MGAM: variants seen among roughly 807,000 people sequenced by gnomAD.
MGAM encodes alpha-1,4-glucosidase.
A neutral mutation model predicts 358.8 loss-of-function variants in MGAM; 253 were observed. That is an observed-to-expected ratio of 0.71 (90% CI 0.64 to 0.78). The LOEUF (loss-of-function observed/expected upper bound fraction) is 0.78. Among genes scored for constraint, MGAM ranks in the 30% least tolerant of loss-of-function variants. The pLI is 0.00. For missense variants in MGAM, 3,080 were observed against 3,432.6 expected, an observed-to-expected ratio of 0.90 and a Z score of 2.57; for synonymous variants, 1,105 against 1,227.1, an observed-to-expected ratio of 0.90 and a Z score of 2.08.
Position 142,052,905 on chromosome 7 carries a change from C to G in MGAM, c.3080C>G (p.Ala1027Gly), listed in dbSNP as rs1190814491. Residue 1027 changes from alanine to glycine, a missense_variant, in exon 26 of 71, where the codon GCC becomes GGC. Ala to Gly is a moderately conservative substitution (Grantham distance 60). This residue lies in a region of MGAM where 1,816 missense variants were observed against 1,840.5 expected (regional missense o/e 0.99). Transcript: ENST00000475668. ...ADISLKSSVYANAFPSTPVNP... is the reference protein window; with the variant it reads ...ADISLKSSVYGNAFPSTPVNP... ...ATCTCCTTAAAGTCTTCCGTTTATG[C>G]CAATGCCTTCCCCTCCACACCCGTG... 2 of 1,613,738 alleles carry G rather than the reference C, an allele frequency of 1.2e-6. No individual in the cohort carries two copies. The highest frequency in any genetic ancestry group is 2.7e-5 in the African/African-American group (2 of 74,876).
rs539727651 is a variant in MGAM at position 142,090,372 on chromosome 7, G to A, written c.6811-1541G>A. On this transcript the variant is annotated intron_variant, in intron 57 of 70. Transcript: ENST00000475668. The stretch of plus-strand genomic sequence containing the variant: ...TTCTCCATCCCCCACCCATCCCGTC[G>A]TTTCTAACCCTTCCTGATCTGGAGC... Among the ~76,000 whole-genome samples, 42 of 145,372 alleles carry A rather than the reference G, an allele frequency of 2.9e-4. 6 individuals are homozygous for A. The highest frequency in any genetic ancestry group is 5.8e-4 in the Non-Finnish European group (37 of 64,172).
chr7:142,031,895 A>T (rs76357138), intron 13 of MGAM, 102 bp downstream of exon 13: 30,263 of 746,510 alleles, frequency 0.041, 807 homozygotes, highest in Non-Finnish European at 0.053. Flanking sequence ...GAGGAGGAGA[A>T]GAAAGGAAGT....
In MGAM at chr7:142,082,106, C is replaced by T. The variant is rs566310111; in HGVS notation, c.6067C>T (p.Pro2023Ser). 1.3e-6 allele frequency: 2 copies of T among 1,556,070 alleles called. No homozygotes were observed. The highest frequency in any genetic ancestry group is 1.1e-5 in the South Asian group (1 of 89,202). Residue 2023 changes from proline (P) to serine (S), a missense_variant, in exon 51 of 71, where the codon CCC becomes TCC. This residue lies in a region of MGAM where 932 missense variants were observed against 1,198.2 expected (regional missense o/e 0.78). Transcript: ENST00000475668. ...DMFIRISTRL[P>S]SKYLYGFGET... ...GTTTATCCGCATCTCCACCCGCCTT[C>T]CCTCCAAGTACCTCTATGGCTTTGG...
intron 20 of MGAM, chr7:142,040,437 A>G: frequency 1.7e-6 from 1 of 582,848 alleles, no homozygotes; most frequent in Non-Finnish European, 3.0e-6. Context: ...GGAGGAACTG[A>G]TGGACAATGT....
At chr7:142,074,061 T>C in intron 44 of MGAM, 24 bp from the exon 45 acceptor site, 1 of 1,468,832 alleles carries the variant, frequency 6.8e-7, no homozygotes, top group Non-Finnish European at 9.5e-7. Flanking sequence ...CCTGTCTTTG[T>C]CTCTTGAATC....
chr7:142,036,324 ATACATTAGGAC>A, intron 17 of MGAM, 39 bp downstream of exon 17: 1 of 1,466,504 alleles, frequency 6.8e-7, no homozygotes. Flanking sequence ...TAAATTTGGC[ATACATTAGGAC>A]TAGATCTGTC....
chr7:141,989,971 A>G (rs1318183393), intron 2 of MGAM, among the ~76,000 whole-genome samples: 1 of 152,176 alleles, frequency 6.6e-6, no homozygotes, highest in Non-Finnish European at 1.5e-5. Flanking sequence ...GTCATGTTCC[A>G]TGTAGGAGGA....
intron 21 of MGAM, among the ~76,000 whole-genome samples, chr7:142,042,995 T>C (rs1392937576): frequency 1.1e-5 from 1 of 92,000 alleles, no homozygotes; most frequent in African/African-American, 5.2e-5. Context: ...TATATATACA[T>C]ATAATATCTA....
At position 142,086,679 on chromosome 7, in the gene MGAM, G is replaced by T; in HGVS notation, c.6772G>T (p.Val2258Phe). 1 of 1,118,732 alleles carries T rather than the reference G, an allele frequency of 8.9e-7. No homozygotes were observed. Among genetic ancestry groups the T allele is most frequent in the Non-Finnish European group, 1.2e-6 (1 of 809,996 alleles). 69.3% of individuals were successfully genotyped at this position (1,118,732 alleles called of 1,614,324 possible). A position where few individuals can be genotyped will look rare whatever the true frequency, so the allele number is the denominator to read the frequency against. ...GGTCTGGCCTGATTTTCCTGATGTT[G>T]TTGTGAATGGGTCTCTAGACTGGGA... ...GKVWPDFPDV[V>F]VNGSLDWDSQ... Residue 2258 changes from valine (V) to phenylalanine (F), a missense_variant, in exon 57 of 71, where the codon GTT becomes TTT. Coordinates refer to ENST00000475668, the MANE Select transcript of MGAM (RefSeq NM_001365693.1).
intron 3 of MGAM, 148 bp downstream of exon 3, chr7:142,008,853 T>C: frequency 1.2e-6 from 1 of 838,798 alleles, no homozygotes; most frequent in South Asian, 1.8e-5. Flanking sequence ...CAAATTAACC[T>C]GTGTCCATGC....
chr7:142,055,513 A>G (rs1238900845), intron 27 of MGAM, 45 bp from the exon 28 acceptor site: 1 of 1,612,260 alleles, frequency 6.2e-7, no homozygotes, highest in Admixed American at 1.7e-5. Context: ...GGAAACAGAG[A>G]TAAAAGCTCA....
At position 142,086,984 on chromosome 7, in the gene MGAM, G is replaced by A. The variant is rs1289086307; in HGVS notation, c.6810+267G>A. ...TGTCCACGGTTTTAGGTGACAGAGT[G>A]TTGATTTCAATTCCAAGGCTGTCAG... On this transcript the variant is annotated intron_variant, in intron 57 of 70. Transcript: ENST00000475668. Among the ~76,000 whole-genome samples the A allele has an allele frequency of 2.0e-5, 2 of 98,904 alleles. 1 individual carries two copies. The highest frequency in any genetic ancestry group is 1.8e-4 in the Admixed American group (2 of 11,350). The allele number at this position is 98,904 out of a possible 152,430, so 64.9% of individuals were successfully genotyped here.
chr7:142,076,224 A>G lies in MGAM; in HGVS notation c.5297A>G (p.Tyr1766Cys). 3 of 1,547,902 alleles carry G rather than the reference A, an allele frequency of 1.9e-6. No individual in the cohort carries two copies. The highest frequency in any genetic ancestry group is 1.8e-6 in the Non-Finnish European group (2 of 1,127,562). ...QTKDTVAKKV[Y>C]LLCEFSVTQN... Reference sequence around the variant, plus strand: ...TCAGATACTGTGGCCAAGAAAGTATATCTTTTATGTGAGTTTTCTGTCACT... The same window carrying G: ...TCAGATACTGTGGCCAAGAAAGTATGTCTTTTATGTGAGTTTTCTGTCACT... The change falls in exon 46 of 71, where the codon TAT becomes TGT. Residue 1766 changes from tyrosine (Y) to cysteine (C), a missense_variant. Physicochemically the swap from Tyr to Cys is radical, Grantham distance 194. This residue lies in a region of MGAM where 932 missense variants were observed against 1,198.2 expected (regional missense o/e 0.78). Coordinates refer to ENST00000475668, the MANE Select transcript of MGAM (RefSeq NM_001365693.1).
intron 34 of MGAM, among the ~76,000 whole-genome samples, chr7:142,060,822 CT>C (rs1376676280): frequency 6.6e-6 from 1 of 151,932 alleles, no homozygotes; most frequent in African/African-American, 2.4e-5. Flanking sequence ...GTATATCTTT[CT>C]TTTTTTCCCC....
At chr7:142,085,741 T>G in intron 54 of MGAM, 92 bp from the exon 55 acceptor site, 3 of 1,415,422 alleles carry the variant, frequency 2.1e-6, no homozygotes, top group Non-Finnish European at 2.9e-6. Context: ...AGAAGCTATC[T>G]GGAATTCCAC....
At position 142,060,314 on chromosome 7, in the gene MGAM, T is replaced by C. The variant is rs374999893; in HGVS notation, c.4063T>C (p.Trp1355Arg). 4.3e-6 allele frequency: 7 copies of C among 1,613,900 alleles called. No homozygotes were observed. Among genetic ancestry groups the C allele is most frequent in the Non-Finnish European group, 5.9e-6 (7 of 1,179,842 alleles). ...CTGAACGTATTTCTCTCCATAGGTC[T>C]GGCCTGATTTTCCTGATGTTGTTGT... Reference protein sequence around the residue: ...NDGDIVWGKVWPDFPDVVVNG... With the variant: ...NDGDIVWGKVRPDFPDVVVNG... Residue 1355 changes from tryptophan (W) to arginine (R), a missense_variant, in exon 34 of 71, where the codon TGG becomes CGG. Coordinates refer to ENST00000475668, the MANE Select transcript of MGAM (RefSeq NM_001365693.1).
intron 1 of MGAM, among the ~76,000 whole-genome samples, chr7:141,998,171 A>G (rs1804424267): frequency 6.6e-6 from 1 of 152,220 alleles, no homozygotes; most frequent in Non-Finnish European, 1.5e-5. Flanking sequence ...TTTGACAATT[A>G]TTCATATACT....
intron 1 of MGAM, among the ~76,000 whole-genome samples, chr7:141,996,482 G>C (rs1181371328): frequency 6.6e-6 from 1 of 152,114 alleles, no homozygotes; most frequent in Non-Finnish European, 1.5e-5. Flanking sequence ...AGTGAAACCT[G>C]TGTGTTTGTG....
At chr7:142,048,156 TTTATTTA>T (rs1181290929) in intron 22 of MGAM, among the ~76,000 whole-genome samples, 9 of 118,334 alleles carry the variant, frequency 7.6e-5, no homozygotes, top group Non-Finnish European at 7.5e-5. Context: ...TATTTATTTA[TTTATTTA>T]TTTATTGAGG....
Sources: gnomAD v4.1 joint callset for allele counts (sites outside exome capture counted in the v4.1 genomes callset) on GRCh38, gnomAD v4.1.1 for gene constraint, gnomAD v4.1.1 regional missense constraint, MANE v1.5 for transcripts, NCBI Gene and HGNC (gene_info 2026-07-23, HGNC 2026-07-21) for gene names.